The following PTPRU variants were observed in gnomAD, a reference collection of about 807,000 sequenced individuals.
The protein encoded by PTPRU is protein tyrosine phosphatase receptor type U.
Under a neutral mutation model 166.3 loss-of-function variants are expected in PTPRU, and 69 were observed. That is an observed-to-expected ratio of 0.41 (90% CI 0.34 to 0.51). The LOEUF is 0.51. Ranked by LOEUF, PTPRU falls within the 20% of genes least tolerant of loss-of-function variation. The pLI, the probability that PTPRU is intolerant of heterozygous loss-of-function variation, is 0.09. For synonymous variants in PTPRU, 793 were observed against 814.0 expected (o/e 0.97, Z 0.44); for missense variants, 1,657 against 2,013.7 (o/e 0.82, Z 3.39).
At position 29,315,481 on chromosome 1, in the gene PTPRU, C is replaced by A. The variant is rs867290552; in HGVS notation, c.3337C>A (p.Arg1113=). ...CAACTGTGTGAAGACTCTCTGCTCC[C>A]GGCGTGTCAACATGATCCAGACTGA... ...IYNCVKTLCS[R]RVNMIQTEEQ... Residue 1113 remains arginine, a synonymous_variant, in exon 23 of 30, where the codon CGG becomes AGG. Transcript: ENST00000373779. The surrounding 1 kb of genome is among the most constrained non-coding windows in gnomAD (Gnocchi z 4.5). 6.2e-7 allele frequency: 1 copy of A among 1,614,114 alleles called. No homozygotes were observed. The highest frequency in any genetic ancestry group is 1.3e-5 in the African/African-American group (1 of 74,988).
intron 3 of PTPRU, 75 bp from the exon 4 acceptor site, chr1:29,259,186 G>C: frequency 6.8e-7 from 1 of 1,462,432 alleles, no homozygotes; most frequent in East Asian, 2.3e-5. Flanking sequence ...GGCTGAGGCC[G>C]AGCTGAAAGT....
chr1:29,323,409 A>G lies in PTPRU; in HGVS notation c.3867A>G (p.Gln1289=), dbSNP rs1187296625. 3.7e-6 allele frequency: 6 copies of G among 1,609,896 alleles called. No homozygotes were observed. Among genetic ancestry groups the G allele is most frequent in the South Asian group, 2.2e-5 (2 of 90,026 alleles). ...LQYWPEPGRQ[Q]YGLMEVEFMS... Reference sequence around the variant, plus strand: ...ACTGGCCAGAGCCAGGCCGGCAGCAATATGGCCTCATGGAGGTGGAGTTTA... The same window carrying G: ...ACTGGCCAGAGCCAGGCCGGCAGCAGTATGGCCTCATGGAGGTGGAGTTTA... The change falls in exon 27 of 30, where the codon CAA becomes CAG. Residue 1289 remains glutamine, a synonymous_variant. Coordinates refer to ENST00000373779, the MANE Select transcript of PTPRU (RefSeq NM_133178.4).
chr1:29,305,711 C>T (rs997907188), intron 18 of PTPRU: 5 of 591,102 alleles, frequency 8.5e-6, no homozygotes, highest in South Asian at 1.5e-5. Flanking sequence ...GTGAGGAAGG[C>T]GGGAGGCATG....
At position 29,291,981 on chromosome 1, in the gene PTPRU, C is replaced by T. The variant is rs768006172; in HGVS notation, c.2431C>T (p.Arg811Trp). The T allele has an allele frequency of 1.4e-5, 22 of 1,613,994 alleles. No individual in the cohort carries two copies. Among genetic ancestry groups the T allele is most frequent in the East Asian group, 6.7e-5 (3 of 44,876 alleles). Residue 811 changes from arginine (R) to tryptophan (W), a missense_variant, in exon 15 of 30, where the codon CGG (arginine) becomes TGG (tryptophan). Arg to Trp is a moderately radical substitution (Grantham distance 101). This residue lies in a region of PTPRU where 1,190 missense variants were observed against 1,477.4 expected (regional missense o/e 0.81). Transcript: ENST00000373779. This position sits in a 1 kb window ranked among gnomAD's most constrained non-coding sequence, Gnocchi z 4.1. ...TDQSTLQEDE[R>W]LGLSFMDTHG... ...CCAGAGCACCCTGCAGGAGGACGAG[C>T]GGCTGGGCCTGTCCTTCATGGACAC...
At chr1:29,254,875 G>T (rs553759727) in intron 1 of PTPRU, among the ~76,000 whole-genome samples, 2 of 152,290 alleles carry the variant, frequency 1.3e-5, no homozygotes, top group East Asian at 3.9e-4. Flanking sequence ...AAGTCACTCA[G>T]CCTTTTGGGG....
intron 7 of PTPRU, among the ~76,000 whole-genome samples, chr1:29,266,125 A>G (rs377111317): frequency 2.8e-5 from 4 of 141,840 alleles, no homozygotes; most frequent in African/African-American, 1.0e-4. Flanking sequence ...GGCTCAAGTG[A>G]TTCTCCTGCT....
chr1:29,260,845 C>T lies in PTPRU; in HGVS notation c.1086C>T (p.Pro362=). 17 of 1,607,724 alleles carry T rather than the reference C, an allele frequency of 1.1e-5. No individual in the cohort carries two copies. The highest frequency in any genetic ancestry group is 1.1e-5 in the Non-Finnish European group (13 of 1,178,036). ...AGATCAGCGTGCTGCTCACGCGTCC[C>T]GGAGACGGCGGCACTGGCCGCCCTG... ...EYEISVLLTR[P]GDGGTGRPGP... is the part of the protein sequence containing the mutation. The change falls in exon 7 of 30, where the codon CCC becomes CCT. Residue 362 remains proline (P), a synonymous_variant. Transcript: ENST00000373779. The surrounding 1 kb of genome is among the most constrained non-coding windows in gnomAD (Gnocchi z 8.3).
At chr1:29,252,952 C>T (rs1040641901) in intron 1 of PTPRU, among the ~76,000 whole-genome samples, 46 of 152,198 alleles carry the variant, frequency 3.0e-4, no homozygotes, top group African/African-American at 1.0e-3. Flanking sequence ...CCCATGACTG[C>T]CTCCTCCTCC....
Position 29,275,470 on chromosome 1 carries a change from C to T in PTPRU, c.1167C>T (p.Gly389=). 1 of 1,614,002 alleles carries T rather than the reference C, an allele frequency of 6.2e-7. No homozygotes were observed. The highest frequency in any genetic ancestry group is 8.5e-7 in the Non-Finnish European group (1 of 1,179,870). ...KCAEPMRAPK[G]LAFAEIQARQ... ...CAGAGCCCATGAGGGCCCCCAAAGG[C>T]CTGGCTTTTGCTGAGATCCAGGCCC... The change falls in exon 8 of 30, where the codon GGC becomes GGT. Residue 389 remains glycine, a synonymous_variant. Transcript: ENST00000373779.
intron 16 of PTPRU, 70 bp from the exon 17 acceptor site, chr1:29,304,704 C>A: frequency 1.6e-6 from 2 of 1,243,234 alleles, no homozygotes; most frequent in Non-Finnish European, 1.1e-6. Flanking sequence ...CTACATCATC[C>A]CCACTGAGGG....
chr1:29,316,291 T>C (rs1194448447), intron 24 of PTPRU, 140 bp downstream of exon 24: 3 of 1,066,760 alleles, frequency 2.8e-6, no homozygotes, highest in East Asian at 5.3e-5. Flanking sequence ...AGAGCTGAGC[T>C]ACCAGGAAGG....
At chr1:29,281,117 TG>T (rs143002311) in intron 11 of PTPRU, among the ~76,000 whole-genome samples, 35 of 151,262 alleles carry the variant, frequency 2.3e-4, no homozygotes, top group Non-Finnish European at 3.4e-4. Context: ...AGCCTTTAGG[TG>T]GGGGGGGTGT....
At chr1:29,298,518 T>G (rs964860285) in intron 15 of PTPRU, among the ~76,000 whole-genome samples, 3 of 152,174 alleles carry the variant, frequency 2.0e-5, no homozygotes, top group African/African-American at 7.2e-5. Context: ...GGGGCTGGTG[T>G]GAAAAAGCCA....
Position 29,307,927 on chromosome 1 carries a change from A to AT in PTPRU, c.2820+2504dup, listed in dbSNP as rs1306935652. 2.0e-5 allele frequency among the ~76,000 whole-genome samples: 3 copies of AT among 151,666 alleles called. No individual in the cohort carries two copies. In the East Asian group the frequency reaches 5.8e-4, roughly 29 times the overall value. On this transcript the variant is annotated intron_variant, in intron 18 of 29. Coordinates refer to ENST00000373779, the MANE Select transcript of PTPRU (RefSeq NM_133178.4). ...AGGCATGCACCACCACGCCCAGCTA[A>AT]TTTTTGTATTTTTAGTAGAGATGGG...
At chr1:29,305,316 C>T (rs745678073) in intron 17 of PTPRU, 36 bp from the exon 18 acceptor site, 1 of 1,605,778 alleles carries the variant, frequency 6.2e-7, no homozygotes, top group Non-Finnish European at 8.5e-7. Context: ...CTGGGCTCCC[C>T]AGTTCAGCCC....
chr1:29,303,528 C>T (rs756873009), intron 15 of PTPRU, among the ~76,000 whole-genome samples: 4 of 152,210 alleles, frequency 2.6e-5, no homozygotes, highest in Non-Finnish European at 4.4e-5. Context: ...ATGGGCTCTG[C>T]GGAGTGCTGC....
chr1:29,258,792 T>G lies in PTPRU; in HGVS notation c.477+16T>G. On this transcript the variant is annotated intron_variant, in intron 3 of 29. Transcript: ENST00000373779. ...TGAATATCAGGTGGGCTGGGTTCAG[T>G]CAGCGGTCAGCCTGTGCCTGGAGGT... 1 of 1,554,304 alleles carries G rather than the reference T, an allele frequency of 6.4e-7. No individual in the cohort carries two copies. Among genetic ancestry groups the G allele is most frequent in the Non-Finnish European group, 8.7e-7 (1 of 1,149,686 alleles).
rs1287134703 is a variant in PTPRU at position 29,237,929 on chromosome 1, C to T, written c.73+1212C>T. On this transcript the variant is annotated intron_variant, in intron 1 of 29. Transcript: ENST00000373779. The surrounding 1 kb of genome is among the most constrained non-coding windows in gnomAD (Gnocchi z 6.4). ...TGCGACGTCCGGGCGCGGGCAGGGC[C>T]TGGCTCGCCGCCGGGGGACGGCGCC... Among the ~76,000 whole-genome samples the T allele has an allele frequency of 1.3e-5, 2 of 149,572 alleles. No individual in the cohort carries two copies. Among genetic ancestry groups the T allele is most frequent in the East Asian group, 3.9e-4 (2 of 5,080 alleles).
In PTPRU at chr1:29,279,145, T is replaced by TG; in HGVS notation, c.1563+29dup. On this transcript the variant is annotated intron_variant, in intron 9 of 29. Transcript: ENST00000373779. This position sits in a 1 kb window ranked among gnomAD's most constrained non-coding sequence, Gnocchi z 5.2. ...AGGTGGGTTTGGGACCCTATTACAGTGGGGGACCCTGGTGGAAGGTGAGAG... is the reference window on the plus strand; with the variant it reads ...AGGTGGGTTTGGGACCCTATTACAGTGGGGGGACCCTGGTGGAAGGTGAGAG... 6.6e-7 allele frequency: 1 copy of TG among 1,521,310 alleles called. No homozygotes were observed. The highest frequency in any genetic ancestry group is 8.9e-7 in the Non-Finnish European group (1 of 1,118,574). 94.2% of individuals were successfully genotyped at this position (1,521,310 alleles called of 1,614,324 possible).
Sources: gnomAD v4.1 joint callset for allele counts (sites outside exome capture counted in the v4.1 genomes callset) on GRCh38, gnomAD v4.1.1 for gene constraint, gnomAD v4.1.1 regional missense constraint, Gnocchi (gnomAD v3.1) non-coding constraint, MANE v1.5 for transcripts, NCBI Gene and HGNC (gene_info 2026-07-23, HGNC 2026-07-21) for gene names.